The following MTHFD1 variants were observed in gnomAD, a reference collection of about 807,000 sequenced individuals.
MTHFD1 encodes methylenetetrahydrofolate dehydrogenase, cyclohydrolase and formyltetrahydrofolate synthetase 1, also known as C-1-tetrahydrofolate synthase, cytoplasmic.
Under a neutral mutation model 110.3 loss-of-function variants are expected in MTHFD1, and 44 were observed. The observed-to-expected ratio is 0.40, with a 90% CI of 0.31 to 0.51. The LOEUF is 0.51. Among genes scored for constraint, MTHFD1 ranks in the 20% least tolerant of loss-of-function variants. The probability of loss-of-function intolerance (pLI) is 0.60; values close to 1 mark genes in which losing one functional copy is unlikely to be tolerated. For missense variants in MTHFD1, 909 were observed against 1,173.1 expected (o/e 0.77, Z 3.29); for synonymous variants, 402 against 428.8 (o/e 0.94, Z 0.77).
intron 13 of MTHFD1, among the ~76,000 whole-genome samples, chr14:64,430,619 C>G (rs1214753271): frequency 1.3e-5 from 2 of 152,166 alleles, no homozygotes; most frequent in Non-Finnish European, 2.9e-5. Flanking sequence ...ATAGCTTTTT[C>G]TCTCTGGAGA....
chr14:64,398,472 A>G (rs537973352), intron 1 of MTHFD1, among the ~76,000 whole-genome samples: 2 of 152,330 alleles, frequency 1.3e-5, no homozygotes, highest in Non-Finnish European at 2.9e-5. Flanking sequence ...GCTTGAGCCC[A>G]GGAGGTGGAG....
At chr14:64,430,287 G>T in intron 13 of MTHFD1, 57 bp downstream of exon 13, 1 of 1,506,812 alleles carries the variant, frequency 6.6e-7, no homozygotes, top group South Asian at 1.1e-5. Flanking sequence ...CGGGGGGGAG[G>T]GTGCTGAATT....
intron 18 of MTHFD1, chr14:64,440,727 C>T (rs1023516506): frequency 1.2e-5 from 3 of 251,600 alleles, no homozygotes; most frequent in Admixed American, 5.1e-5. Context: ...AATTTCTGCC[C>T]AGATACCAGA....
At chr14:64,425,702 T>G (rs920364109) in intron 9 of MTHFD1, 28 bp from the exon 10 acceptor site, 7 of 1,583,594 alleles carry the variant, frequency 4.4e-6, no homozygotes, top group Non-Finnish European at 6.1e-6. Flanking sequence ...CCACCTCTTC[T>G]AAGTTTCATT....
In MTHFD1 at chr14:64,428,137, TCTCA is replaced by T. The variant is rs529963919; in HGVS notation, c.1264+672_1264+675del. Among the ~76,000 whole-genome samples, 8 of 127,596 alleles carry T rather than the reference TCTCA, an allele frequency of 6.3e-5. No individual in the cohort carries two copies. The South Asian group carries it at 1.6e-3, about 26-fold the overall frequency. The allele number at this position is 127,596 out of a possible 152,430, so 83.7% of individuals were successfully genotyped here. ...TTTTTTTTTTTTTTTTGAGACAGGGTCTCACTCACTCTGTCGCCCAGGCTGGAAT... is the reference window on the plus strand; with the variant it reads ...TTTTTTTTTTTTTTTTGAGACAGGGTCTCACTCTGTCGCCCAGGCTGGAAT... On this transcript the variant is annotated intron_variant, in intron 12 of 27. Transcript: ENST00000652337.
intron 9 of MTHFD1, among the ~76,000 whole-genome samples, chr14:64,425,500 C>A (rs182830033): frequency 6.6e-6 from 1 of 152,106 alleles, no homozygotes; most frequent in African/African-American, 2.4e-5. Flanking sequence ...TGTGAGCCAC[C>A]GTGCCCGGCC....
Position 64,410,661 on chromosome 14 carries a change from C to T in MTHFD1, c.127-429C>T, listed in dbSNP as rs374938821. On this transcript the variant is annotated intron_variant, in intron 2 of 27. Transcript: ENST00000652337. ...GCCAGGGAGCTTTCCATTGCCCCTG[C>T]GGGTGGGGGAGAGGGTGTGGAATGT... 6.2e-3 allele frequency among the ~76,000 whole-genome samples: 946 copies of T among 152,224 alleles called. 8 individuals carry two copies. The highest frequency in any genetic ancestry group is 0.021 in the African/African-American group (893 of 41,544).
chr14:64,444,583 G>A, intron 21 of MTHFD1, 110 bp from the exon 22 acceptor site: 1 of 1,210,490 alleles, frequency 8.3e-7, no homozygotes, highest in East Asian at 2.4e-5. Flanking sequence ...TTATACTACT[G>A]TACAGCCTGC....
At position 64,401,018 on chromosome 14, in the gene MTHFD1, C is replaced by G. The variant is rs754401766; in HGVS notation, c.126+141C>G. The G allele has an allele frequency of 3.5e-4, 246 of 694,076 alleles. 2 individuals are homozygous for G. Among genetic ancestry groups the G allele is most frequent in the South Asian group, 7.4e-4 (47 of 63,606 alleles). 43.0% of individuals were successfully genotyped at this position (694,076 alleles called of 1,614,324 possible). On this transcript the variant is annotated intron_variant, in intron 2 of 27. Coordinates refer to ENST00000652337, the MANE Select transcript of MTHFD1 (RefSeq NM_005956.4). ...TTTCAGTCTCTCTTGGCAGGCTCCCCCCTTTGGCTCAGCTTCTAAATGTTG... is the reference window on the plus strand; with the variant it reads ...TTTCAGTCTCTCTTGGCAGGCTCCCGCCTTTGGCTCAGCTTCTAAATGTTG...
chr14:64,449,670 C>T (rs879002526), intron 24 of MTHFD1, 48 bp downstream of exon 24: 6 of 1,599,100 alleles, frequency 3.8e-6, no homozygotes, highest in Non-Finnish European at 4.3e-6. Flanking sequence ...GAAAAGGGCA[C>T]AGTGAAGTTT....
chr14:64,449,812 G>A (rs189756922), intron 24 of MTHFD1, among the ~76,000 whole-genome samples, 190 bp downstream of exon 24: 195 of 152,256 alleles, frequency 1.3e-3, no homozygotes, highest in Non-Finnish European at 2.1e-3. Flanking sequence ...TTTTTGAGAC[G>A]GAGTCTTGCT....
At chr14:64,433,423 T>C (rs1340693865) in intron 15 of MTHFD1, among the ~76,000 whole-genome samples, 1 of 152,052 alleles carries the variant, frequency 6.6e-6, no homozygotes, top group African/African-American at 2.4e-5. Context: ...CCGGCCTGTT[T>C]GTTTATGTTT....
chr14:64,403,768 A>T (rs1400040717), intron 2 of MTHFD1, among the ~76,000 whole-genome samples: 5 of 151,536 alleles, frequency 3.3e-5, no homozygotes, highest in Admixed American at 3.3e-4. Context: ...CTAGTCTCCA[A>T]CTCCTGGGCT....
intron 8 of MTHFD1, among the ~76,000 whole-genome samples, chr14:64,420,475 T>C (rs913073758): frequency 6.6e-6 from 1 of 152,178 alleles, no homozygotes; most frequent in African/African-American, 2.4e-5. Flanking sequence ...ATCACCATTC[T>C]TCCTTCCCGC....
intron 23 of MTHFD1, 200 bp from the exon 24 acceptor site, chr14:64,449,245 T>C (rs562608028): frequency 1.2e-5 from 8 of 640,890 alleles, no homozygotes; most frequent in Admixed American, 6.9e-5. Context: ...AGGGTGGAAA[T>C]TGAGGCACAT....
chr14:64,410,688 C>T (rs1490628736), intron 2 of MTHFD1, among the ~76,000 whole-genome samples: 1 of 152,132 alleles, frequency 6.6e-6, no homozygotes, highest in Non-Finnish European at 1.5e-5. Context: ...GTGGAATGTG[C>T]CCTCTGGGTG....
chr14:64,448,102 C>T (rs2078309609), intron 22 of MTHFD1, 115 bp from the exon 23 acceptor site: 2 of 768,968 alleles, frequency 2.6e-6, no homozygotes, highest in African/African-American at 1.7e-5. Context: ...TTCTTGGCCT[C>T]CTTGTCCTGA....
chr14:64,427,542 G>A (rs985273206), intron 12 of MTHFD1, 69 bp downstream of exon 12: 47 of 1,489,422 alleles, frequency 3.2e-5, no homozygotes, highest in Admixed American at 3.3e-5. Flanking sequence ...CCAGGCCCAC[G>A]CAACCTATGA....
At chr14:64,422,121 A>G (rs1487156057) in intron 8 of MTHFD1, among the ~76,000 whole-genome samples, 8 of 152,166 alleles carry the variant, frequency 5.3e-5, no homozygotes, top group African/African-American at 1.9e-4. Flanking sequence ...ACAATAAAAT[A>G]TGAATAAAAT....
Sources: allele counts gnomAD v4.1 joint callset (sites outside exome capture counted in the v4.1 genomes callset), GRCh38; gene constraint gnomAD v4.1.1; transcripts MANE v1.5; gene names NCBI Gene and HGNC (gene_info 2026-07-23, HGNC 2026-07-21).